The following RAB35 variants were observed in gnomAD, a reference collection of about 807,000 sequenced individuals.
RAB35 encodes ras-related protein Rab-35.
In RAB35, 4 loss-of-function variants were observed where a neutral mutation model predicts 28.9. That is an observed-to-expected ratio of 0.14 (90% CI 0.07 to 0.32). The LOEUF (loss-of-function observed/expected upper bound fraction) is 0.32, where lower values mean the gene tolerates loss of function less well. RAB35 is among the 10% of genes least tolerant of loss of function. The pLI is 1.00. For missense variants in RAB35, 128 were observed against 274.0 expected, an observed-to-expected ratio of 0.47 and a Z score of 3.76; for synonymous variants, 99 against 105.1, an observed-to-expected ratio of 0.94 and a Z score of 0.35.
rs1876350997 is a variant in RAB35, at chr12:120,116,603, G to A, written c.48C>T (p.Asp16=). ...DHLFKLLIIG[D]SGVGKSSLLL... is the part of the protein sequence containing the mutation. ...TCCGGCCGCTGCGGCCCTCACCGCT[G>A]TCGCCGATGATGAGCAGCTTGAAGA... The change falls in exon 1 of 6, where the codon GAC becomes GAT. Residue 16 remains aspartate (D), a synonymous_variant. Transcript: ENST00000229340. 29 of 1,208,870 alleles carry A rather than the reference G, an allele frequency of 2.4e-5. No homozygotes were observed. Among genetic ancestry groups the A allele is most frequent in the Non-Finnish European group, 3.0e-5 (29 of 973,324 alleles). 74.9% of individuals were successfully genotyped at this position (1,208,870 alleles called of 1,614,324 possible).
In RAB35 at chr12:120,098,829, C is replaced by G. The variant is rs1453828017; in HGVS notation, c.459G>C (p.Glu153Asp). 2 of 1,614,110 alleles carry G rather than the reference C, an allele frequency of 1.2e-6. No homozygotes were observed. Among genetic ancestry groups the G allele is most frequent in the Non-Finnish European group, 1.7e-6 (2 of 1,180,046 alleles). The change falls in exon 5 of 6, where the codon GAG becomes GAC. Residue 153 changes from glutamate to aspartate, a missense_variant. Transcript: ENST00000229340. ...GCCTCACCTCTTCCACGTTGACATT[C>G]TCCTTGGCGCTGGTCTCGAACAACT... is the stretch of plus-strand genomic sequence containing the variant. ...GIQLFETSAK[E>D]NVNVEEMFNC...
chr12:120,099,291 G>C (rs866406922), intron 3 of RAB35, 137 bp from the exon 4 acceptor site: 2 of 1,140,346 alleles, frequency 1.8e-6, no homozygotes, highest in Admixed American at 2.4e-5. Flanking sequence ...ACTCAGCCTC[G>C]GCAGATGCCC....
chr12:120,098,725 G>T, intron 5 of RAB35, 86 bp downstream of exon 5: 1 of 1,555,838 alleles, frequency 6.4e-7, no homozygotes, highest in Admixed American at 1.9e-5. Flanking sequence ...ATTTTCTGTT[G>T]GTCATTTAGA....
intron 2 of RAB35, among the ~76,000 whole-genome samples, chr12:120,108,038 G>A (rs1875960640): frequency 6.6e-6 from 1 of 152,134 alleles, no homozygotes; most frequent in Non-Finnish European, 1.5e-5. Context: ...ACAAAGGCCT[G>A]CATGTGGAGC....
In RAB35 at chr12:120,116,678, G is replaced by A. The variant is rs1876355456; in HGVS notation, c.-28C>T. 1 of 1,223,842 alleles carries A rather than the reference G, an allele frequency of 8.2e-7. No individual in the cohort carries two copies. The highest frequency in any genetic ancestry group is 1.0e-6 in the Non-Finnish European group (1 of 982,812). The allele number at this position is 1,223,842 out of a possible 1,614,324, so 75.8% of individuals were successfully genotyped here. ...CGGGCGGGGGCGGTGCGCGCGGGCGGGCGGGGTCGGTACTGGCCTCGCGAT... is the reference window on the plus strand; with the variant it reads ...CGGGCGGGGGCGGTGCGCGCGGGCGAGCGGGGTCGGTACTGGCCTCGCGAT... On this transcript the variant is annotated 5_prime_UTR_variant, in exon 1 of 6. Transcript: ENST00000229340.
intron 5 of RAB35, among the ~76,000 whole-genome samples, chr12:120,097,602 C>T (rs903969118): frequency 6.6e-6 from 1 of 152,160 alleles, no homozygotes; most frequent in Non-Finnish European, 1.5e-5. Context: ...CAAAAATTAG[C>T]CGGGAGTGGT....
At chr12:120,110,613 A>G (rs939809579) in intron 1 of RAB35, among the ~76,000 whole-genome samples, 3 of 152,134 alleles carry the variant, frequency 2.0e-5, no homozygotes, top group African/African-American at 7.2e-5. Flanking sequence ...CTACCAAGTA[A>G]CCAAAGCGGA....
Position 120,108,453 on chromosome 12 carries a change from T to G in RAB35, c.67A>C (p.Ser23Arg). Residue 23 changes from serine (S) to arginine (R), a missense_variant, in exon 2 of 6, where the codon AGT becomes CGT. By Grantham distance (110) the Ser-to-Arg change is moderately radical. Coordinates refer to ENST00000229340, the MANE Select transcript of RAB35 (RefSeq NM_006861.7). ...TTGTCTGCAAAACGCAACAGTAAAC[T>G]GCTCTTGCCCACACCTGCAAGAGAG... The part of the protein sequence containing the change: ...IIGDSGVGKS[S>R]LLLRFADNTF... 6.2e-7 allele frequency: 1 copy of G among 1,614,016 alleles called. No individual in the cohort carries two copies. The highest frequency in any genetic ancestry group is 1.3e-5 in the African/African-American group (1 of 75,028).
At position 120,107,136 on chromosome 12, in the gene RAB35, GCA is replaced by G. The variant is rs1875919005; in HGVS notation, c.103+1279_103+1280del. 7.9e-5 allele frequency among the ~76,000 whole-genome samples: 12 copies of G among 151,596 alleles called. 1 individual carries two copies. Among genetic ancestry groups the G allele is most frequent in the Admixed American group, 6.6e-4 (10 of 15,204 alleles). On this transcript the variant is annotated intron_variant, in intron 2 of 5. Transcript: ENST00000229340. ...CCCCAGTCGCTAGGATTATAGGTAT[GCA>G]CCACCACGCCCAGCTAATTTTTGTA...
chr12:120,111,059 C>T (rs547136147), intron 1 of RAB35, among the ~76,000 whole-genome samples: 79 of 152,348 alleles, frequency 5.2e-4, no homozygotes, highest in African/African-American at 1.7e-3. Context: ...ACAGAGCCCT[C>T]GCCTCACCCG....
Position 120,097,049 on chromosome 12 carries a change from G to A in RAB35, c.*196C>T, listed in dbSNP as rs2139046034. 2 of 1,527,262 alleles carry A rather than the reference G, an allele frequency of 1.3e-6. No individual in the cohort carries two copies. The highest frequency in any genetic ancestry group is 1.4e-5 in the African/African-American group (1 of 73,040). The allele number at this position is 1,527,262 out of a possible 1,614,324, so 94.6% of individuals were successfully genotyped here. ...GGGAGGAGGGGGCACCAGTAGGGAAGGGCGGGCTGGTCCAACACCTTCTTG... is the reference window on the plus strand; with the variant it reads ...GGGAGGAGGGGGCACCAGTAGGGAAAGGCGGGCTGGTCCAACACCTTCTTG... On this transcript the variant is annotated 3_prime_UTR_variant, in exon 6 of 6. Transcript: ENST00000229340.
intron 3 of RAB35, among the ~76,000 whole-genome samples, chr12:120,100,678 C>T (rs894573584): frequency 2.0e-5 from 3 of 152,314 alleles, no homozygotes; most frequent in South Asian, 4.1e-4. Context: ...TCAACACGAC[C>T]GCTGGGATCT....
Position 120,096,940 on chromosome 12 carries a change from T to A in RAB35, c.*305A>T, listed in dbSNP as rs757452860. Reference sequence around the variant, plus strand: ...GAGCAGGACGTGGTGTGCGGCCGGGTAGAGCAATATACACTATGTACAGAC... The same window carrying A: ...GAGCAGGACGTGGTGTGCGGCCGGGAAGAGCAATATACACTATGTACAGAC... On this transcript the variant is annotated 3_prime_UTR_variant, in exon 6 of 6. Coordinates refer to ENST00000229340, the MANE Select transcript of RAB35 (RefSeq NM_006861.7). 1.2e-5 allele frequency: 17 copies of A among 1,381,204 alleles called. No individual in the cohort carries two copies. The highest frequency in any genetic ancestry group is 1.6e-5 in the Non-Finnish European group (17 of 1,048,850). The allele number at this position is 1,381,204 out of a possible 1,614,324, so 85.6% of individuals were successfully genotyped here. A position where few individuals can be genotyped will look rare whatever the true frequency, so the allele number is the denominator to read the frequency against.
At chr12:120,104,447 T>C (rs917645862) in intron 2 of RAB35, among the ~76,000 whole-genome samples, 2 of 151,886 alleles carry the variant, frequency 1.3e-5, no homozygotes, top group Non-Finnish European at 2.9e-5. Context: ...CAGCCGTGAG[T>C]GGGGGCGGTC....
intron 3 of RAB35, among the ~76,000 whole-genome samples, chr12:120,100,754 T>C (rs1175174475): frequency 2.0e-5 from 3 of 152,168 alleles, no homozygotes; most frequent in Admixed American, 1.3e-4. Context: ...GGCTTCGGGG[T>C]AGCTGTGACG....
rs201213020 is a variant in RAB35, at chr12:120,098,892, C to T, written c.396G>A (p.Thr132=). The T allele has an allele frequency of 8.7e-4, 1,409 of 1,614,210 alleles. 5 individuals carry two copies. Among genetic ancestry groups the T allele is most frequent in the Non-Finnish European group, 1.1e-3 (1,241 of 1,180,042 alleles). The change falls in exon 5 of 6, where the codon ACG becomes ACA. Residue 132 remains threonine (T), a synonymous_variant. Coordinates refer to ENST00000229340, the MANE Select transcript of RAB35 (RefSeq NM_006861.7). The part of the protein sequence containing the change: ...NDDPERKVVE[T]EDAYKFAGQM... ...GCCCGGCGAATTTGTAGGCATCTTC[C>T]GTCTCCACCACCTTCCGCTCAGGGT...
chr12:120,110,984 T>C (rs1876095888), intron 1 of RAB35, among the ~76,000 whole-genome samples: 1 of 150,798 alleles, frequency 6.6e-6, no homozygotes, highest in African/African-American at 2.4e-5. Context: ...CTCCTCTGCT[T>C]CCTCCTGGAG....
In RAB35 at chr12:120,096,468, C is replaced by A. The variant is rs1436060223; in HGVS notation, c.*777G>T. On this transcript the variant is annotated 3_prime_UTR_variant, in exon 6 of 6. Coordinates refer to ENST00000229340, the MANE Select transcript of RAB35 (RefSeq NM_006861.7). ...CCAGCCCCATCTCTGCACGAACCTA[C>A]CCCGACCTTTCTGTTGGAACTGAAA... 15 of 1,289,654 alleles carry A rather than the reference C, an allele frequency of 1.2e-5. No homozygotes were observed. In the East Asian group the frequency reaches 7.8e-4, roughly 67 times the overall value. 79.9% of individuals were successfully genotyped at this position (1,289,654 alleles called of 1,614,324 possible).
In RAB35 at chr12:120,103,106, C is replaced by T. The variant is rs1207914605; in HGVS notation, c.227+720G>A. On this transcript the variant is annotated intron_variant, in intron 3 of 5. Transcript: ENST00000229340. The surrounding 1 kb of genome is among the most constrained non-coding windows in gnomAD (Gnocchi z 6.1). Reference sequence around the variant, plus strand: ...AGGAAACGAGCGCAGAGAGCTTCGGCAACTTGCCTAAGGACACACAGCCCA... The same window carrying T: ...AGGAAACGAGCGCAGAGAGCTTCGGTAACTTGCCTAAGGACACACAGCCCA... Among the ~76,000 whole-genome samples, 2 of 152,222 alleles carry T rather than the reference C, an allele frequency of 1.3e-5. No individual in the cohort carries two copies. The highest frequency in any genetic ancestry group is 2.9e-5 in the Non-Finnish European group (2 of 68,038).
Sources: allele counts gnomAD v4.1 joint callset (sites outside exome capture counted in the v4.1 genomes callset), GRCh38; gene constraint gnomAD v4.1.1; non-coding constraint Gnocchi (gnomAD v3.1); transcripts MANE v1.5; gene names NCBI Gene and HGNC (gene_info 2026-07-23, HGNC 2026-07-21).